The following PRR27 variants were observed in gnomAD, a reference collection of about 807,000 sequenced individuals.
The protein encoded by PRR27 is proline rich 27.
A neutral mutation model predicts 16.8 loss-of-function variants in PRR27; 12 were observed. The ratio of observed to expected loss-of-function variants is 0.71; its 90% CI spans 0.46 to 1.16. The LOEUF is 1.16. Ranked by LOEUF, PRR27 falls within the 50% of genes most tolerant of loss-of-function variation. The probability of loss-of-function intolerance (pLI) is 0.00; values close to 1 mark genes in which losing one functional copy is unlikely to be tolerated. For synonymous variants in PRR27, 100 were observed against 98.4 expected (o/e 1.02, Z -0.10); for missense variants, 277 against 273.3 (o/e 1.01, Z -0.10).
At position 70,154,324 on chromosome 4, in the gene PRR27, T is replaced by C. The variant is rs1728427572; in HGVS notation, c.-52T>C. Reference sequence around the variant, plus strand: ...AAATATAATTTAAAAATACATTGCGTATTTTCTAAAACAATAAATTTATAG... The same window carrying C: ...AAATATAATTTAAAAATACATTGCGCATTTTCTAAAACAATAAATTTATAG... On this transcript the variant is annotated 5_prime_UTR_variant, in exon 1 of 5. Coordinates refer to ENST00000344526, the MANE Select transcript of PRR27 (RefSeq NM_214711.4). 1.2e-5 allele frequency: 16 copies of C among 1,364,234 alleles called. No individual in the cohort carries two copies. The highest frequency in any genetic ancestry group is 3.6e-5 in the Admixed American group (2 of 55,654). 84.5% of individuals were successfully genotyped at this position (1,364,234 alleles called of 1,614,324 possible).
At position 70,166,298 on chromosome 4, in the gene PRR27, C is replaced by A. The variant is rs887184844; in HGVS notation, c.*3637C>A. On this transcript the variant is annotated 3_prime_UTR_variant, in exon 5 of 5. Transcript: ENST00000344526. ...GTTAATTATAGGCCTTATCTCAGACCTTTGCAAGTAGCCTGAATAAAACTT... is the reference window on the plus strand; with the variant it reads ...GTTAATTATAGGCCTTATCTCAGACATTTGCAAGTAGCCTGAATAAAACTT... The A allele has an allele frequency of 6.6e-6, 1 of 151,924 alleles. No individual in the cohort carries two copies. The highest frequency in any genetic ancestry group is 6.6e-5 in the Admixed American group (1 of 15,232). 9.4% of individuals were successfully genotyped at this position (151,924 alleles called of 1,614,324 possible).
chr4:70,155,914 A>G, intron 1 of PRR27, 140 bp from the exon 2 acceptor site: 1 of 584,420 alleles, frequency 1.7e-6, no homozygotes, highest in Non-Finnish European at 3.0e-6. Context: ...ATAAAAAAAA[A>G]TTCATATTAG....
chr4:70,160,409 T>TTCTC lies in PRR27; in HGVS notation c.649-1145_649-1142dup, dbSNP rs149182032. Reference sequence around the variant, plus strand: ...TTAACTCAGAGAATCTTCTGGGACTTTCTCTCTCTCTCTCTCTCTCTCTCT... The same window carrying TTCTC: ...TTAACTCAGAGAATCTTCTGGGACTTTCTCTCTCTCTCTCTCTCTCTCTCTCTCT... On this transcript the variant is annotated intron_variant, in intron 3 of 4. Coordinates refer to ENST00000344526, the MANE Select transcript of PRR27 (RefSeq NM_214711.4). Among the ~76,000 whole-genome samples, 186 of 106,150 alleles carry TTCTC rather than the reference T, an allele frequency of 1.8e-3. 2 individuals carry two copies. The highest frequency in any genetic ancestry group is 4.5e-3 in the African/African-American group (118 of 26,428). The allele number at this position is 106,150 out of a possible 152,430, so 69.6% of individuals were successfully genotyped here. A position where few individuals can be genotyped will look rare whatever the true frequency, so the allele number is the denominator to read the frequency against.
chr4:70,164,644 A>G lies in PRR27; in HGVS notation c.*1983A>G, dbSNP rs1293495662. The G allele has an allele frequency of 6.6e-6, 1 of 152,138 alleles. No homozygotes were observed. Among genetic ancestry groups the G allele is most frequent in the African/African-American group, 2.4e-5 (1 of 41,454 alleles). The allele number at this position is 152,138 out of a possible 1,614,324, so 9.4% of individuals were successfully genotyped here. ...AATTTGTAATCATACATGATAGTCA[A>G]TTTTAATGATTATGTTGTCAAAATT... On this transcript the variant is annotated 3_prime_UTR_variant, in exon 5 of 5. Transcript: ENST00000344526.
In PRR27 at chr4:70,158,802, G is replaced by A. The variant is rs1266168209; in HGVS notation, c.550G>A (p.Val184Ile). Residue 184 changes from valine (V) to isoleucine (I), a missense_variant, in exon 3 of 5, where the codon GTT (valine) becomes ATT (isoleucine). By Grantham distance (29) the Val-to-Ile change is conservative. Transcript: ENST00000344526. ...VAAEPAAEAPVGVEPAAEEPS... is the reference protein window; with the variant it reads ...VAAEPAAEAPIGVEPAAEEPS... ...AGCTGAGCCTGCTGCAGAGGCACCTGTTGGAGTGGAGCCAGCTGCAGAGGA... is the reference window on the plus strand; with the variant it reads ...AGCTGAGCCTGCTGCAGAGGCACCTATTGGAGTGGAGCCAGCTGCAGAGGA... 5.0e-6 allele frequency: 8 copies of A among 1,613,490 alleles called. No individual in the cohort carries two copies. Among genetic ancestry groups the A allele is most frequent in the African/African-American group, 2.7e-5 (2 of 74,972 alleles).
Position 70,158,990 on chromosome 4 carries a change from A to T in PRR27, c.648+90A>T. ...AAAACCACTCCCCAAGCAAATCTAT[A>T]TCAACTTAAATATTTTGAACAGCTT... On this transcript the variant is annotated intron_variant, in intron 3 of 4. Coordinates refer to ENST00000344526, the MANE Select transcript of PRR27 (RefSeq NM_214711.4). 6.1e-6 allele frequency: 7 copies of T among 1,153,238 alleles called. No homozygotes were observed. In the East Asian group the frequency reaches 1.7e-4, roughly 28 times the overall value. 71.4% of individuals were successfully genotyped at this position (1,153,238 alleles called of 1,614,324 possible).
intron 1 of PRR27, chr4:70,154,767 T>G (rs1423825348): frequency 7.6e-7 from 1 of 1,321,536 alleles, no homozygotes. Flanking sequence ...GGGCTTCCTA[T>G]GGCTGTGAAG....
Position 70,163,038 on chromosome 4 carries a change from G to GAACT in PRR27, c.*378_*381dup, listed in dbSNP as rs1409611971. 2 of 152,062 alleles carry GAACT rather than the reference G, an allele frequency of 1.3e-5. No homozygotes were observed. The highest frequency in any genetic ancestry group is 4.8e-5 in the African/African-American group (2 of 41,392). The allele number at this position is 152,062 out of a possible 1,614,324, so 9.4% of individuals were successfully genotyped here. ...TAAACAAACATATTTTGTAGTCAAT[G>GAACT]AACTTTTTGTCACAAAACAGTAAAA... On this transcript the variant is annotated 3_prime_UTR_variant, in exon 5 of 5. Coordinates refer to ENST00000344526, the MANE Select transcript of PRR27 (RefSeq NM_214711.4).
Position 70,158,554 on chromosome 4 carries a change from T to A in PRR27, c.302T>A (p.Val101Asp). The change falls in exon 3 of 5, where the codon GTT becomes GAT. Residue 101 changes from valine to aspartate, a missense_variant. Val to Asp is a radical substitution (Grantham distance 152, BLOSUM62 -3). Coordinates refer to ENST00000344526, the MANE Select transcript of PRR27 (RefSeq NM_214711.4). ...TTTCCCTTAGCTACTCAGTTGAATG[T>A]TCCTCCTCTCCCTCCTAGGGGTTTC... ...RGFPLATQLN[V>D]PPLPPRGFPF... 6.2e-7 allele frequency: 1 copy of A among 1,614,158 alleles called. No homozygotes were observed. Among genetic ancestry groups the A allele is most frequent in the Non-Finnish European group, 8.5e-7 (1 of 1,180,014 alleles).
In PRR27 at chr4:70,158,590, C is replaced by T. The variant is rs1198218831; in HGVS notation, c.338C>T (p.Pro113Leu). Residue 113 changes from proline to leucine, a missense_variant, in exon 3 of 5, where the codon CCT becomes CTT. By Grantham distance (98) the Pro-to-Leu change is moderately conservative. Transcript: ENST00000344526. The stretch of plus-strand genomic sequence containing the variant: ...CCTCCTAGGGGTTTCCCGTTTGTCC[C>T]TCCTTCAAGGTTTTTTTCAGCAGCT... Reference protein sequence around the residue: ...PLPPRGFPFVPPSRFFSAAAA... With the variant: ...PLPPRGFPFVLPSRFFSAAAA... The T allele has an allele frequency of 6.2e-7, 1 of 1,614,024 alleles. No individual in the cohort carries two copies. The highest frequency in any genetic ancestry group is 8.5e-7 in the Non-Finnish European group (1 of 1,180,026).
At chr4:70,160,441 C>G (rs1709278) in intron 3 of PRR27, among the ~76,000 whole-genome samples, 49,031 of 84,374 alleles carry the variant, frequency 0.58, 11,193 homozygotes, top group Non-Finnish European at 0.66. Context: ...CTCTCTCTCT[C>G]TCTGTGTGTG....
chr4:70,154,744 A>G (rs1221932639), intron 1 of PRR27: 2 of 1,340,460 alleles, frequency 1.5e-6, no homozygotes, highest in Admixed American at 4.4e-5. Flanking sequence ...TTCAAATTAT[A>G]GAATGCTGGA....
rs778338175 is a variant in PRR27 at position 70,158,550 on chromosome 4, A to G, written c.298A>G (p.Asn100Asp). ...IRGFPLATQL[N>D]VPPLPPRGFP... ...TGGTTTTCCCTTAGCTACTCAGTTGAATGTTCCTCCTCTCCCTCCTAGGGG... is the reference window on the plus strand; with the variant it reads ...TGGTTTTCCCTTAGCTACTCAGTTGGATGTTCCTCCTCTCCCTCCTAGGGG... Residue 100 changes from asparagine to aspartate, a missense_variant, in exon 3 of 5, where the codon AAT (asparagine) becomes GAT (aspartate). By Grantham distance (23) the Asn-to-Asp change is conservative. Coordinates refer to ENST00000344526, the MANE Select transcript of PRR27 (RefSeq NM_214711.4). 4.3e-6 allele frequency: 7 copies of G among 1,613,964 alleles called. No homozygotes were observed. The Admixed American group carries it at 5.0e-5, about 12-fold the overall frequency.
At chr4:70,162,087 T>A (rs539035364) in intron 4 of PRR27, among the ~76,000 whole-genome samples, 1 of 152,324 alleles carries the variant, frequency 6.6e-6, no homozygotes, top group South Asian at 2.1e-4. Flanking sequence ...CCCTACATTG[T>A]ACCACCCAAA....
rs1028775879 is a variant in PRR27 at position 70,163,684 on chromosome 4, C to T, written c.*1023C>T. On this transcript the variant is annotated 3_prime_UTR_variant, in exon 5 of 5. Transcript: ENST00000344526. The stretch of plus-strand genomic sequence containing the variant: ...TGATCACATACACACATGCATTATC[C>T]ACTGAGCAGTCACAATCAGATGTTA... The T allele has an allele frequency of 1.3e-5, 2 of 152,164 alleles. No homozygotes were observed. The highest frequency in any genetic ancestry group is 4.8e-5 in the African/African-American group (2 of 41,410). 9.4% of individuals were successfully genotyped at this position (152,164 alleles called of 1,614,324 possible).
chr4:70,159,584 A>G (rs547560287), intron 3 of PRR27, among the ~76,000 whole-genome samples: 19 of 152,154 alleles, frequency 1.2e-4, no homozygotes, highest in Admixed American at 7.2e-4. Flanking sequence ...ATGTACCTAC[A>G]TACCCTCCTC....
At position 70,165,054 on chromosome 4, in the gene PRR27, T is replaced by G. The variant is rs967425228; in HGVS notation, c.*2393T>G. 6.6e-6 allele frequency: 1 copy of G among 152,138 alleles called. No individual in the cohort carries two copies. The highest frequency in any genetic ancestry group is 1.5e-5 in the Non-Finnish European group (1 of 67,974). 9.4% of individuals were successfully genotyped at this position (152,138 alleles called of 1,614,324 possible). ...ATAATATTTTGTTTTTAGTGTTCAT[T>G]TTTTTCCTCCTGACTACATTGAGAT... On this transcript the variant is annotated 3_prime_UTR_variant, in exon 5 of 5. Coordinates refer to ENST00000344526, the MANE Select transcript of PRR27 (RefSeq NM_214711.4).
intron 3 of PRR27, among the ~76,000 whole-genome samples, chr4:70,159,464 G>C (rs936468357): frequency 1.3e-5 from 2 of 152,090 alleles, no homozygotes; most frequent in African/African-American, 4.8e-5. Context: ...TAAACATCCA[G>C]TACAATGTCA....
Position 70,161,619 on chromosome 4 carries a change from G to T in PRR27, c.*22G>T. 6.8e-7 allele frequency: 1 copy of T among 1,480,298 alleles called. No homozygotes were observed. The allele number at this position is 1,480,298 out of a possible 1,614,324, so 91.7% of individuals were successfully genotyped here. Reference sequence around the variant, plus strand: ...GTGAAATTCTCTAGAAGAGTACCATGGGTTCATTTCTGTAAGTCATATGTG... The same window carrying T: ...GTGAAATTCTCTAGAAGAGTACCATTGGTTCATTTCTGTAAGTCATATGTG... On this transcript the variant is annotated 3_prime_UTR_variant, in exon 4 of 5. Transcript: ENST00000344526.
Sources: gnomAD v4.1 joint callset for allele counts (sites outside exome capture counted in the v4.1 genomes callset) on GRCh38, gnomAD v4.1.1 for gene constraint, MANE v1.5 for transcripts, NCBI Gene and HGNC (gene_info 2026-07-23, HGNC 2026-07-21) for gene names.